Variants in WNT8B observed in about 807,000 individuals in gnomAD.
The protein encoded by WNT8B is Wnt family member 8B.
WNT8B carries 24 observed loss-of-function variants against 36.6 expected under a neutral mutation model. The observed-to-expected ratio is 0.66, with a 90% confidence interval of 0.48 to 0.92. The LOEUF (loss-of-function observed/expected upper bound fraction) is 0.92. WNT8B is among the 40% of genes least tolerant of loss of function. The pLI, the probability that WNT8B is intolerant of heterozygous loss-of-function variation, is 0.00. For missense variants in WNT8B, 402 were observed against 470.8 expected (o/e 0.85, Z 1.35); for synonymous variants, 199 against 189.8 (o/e 1.05, Z -0.40).
At chr10:100,467,220 C>A (rs1458584702) in intron 1 of WNT8B, among the ~76,000 whole-genome samples, 1 of 152,112 alleles carries the variant, frequency 6.6e-6, no homozygotes, top group Non-Finnish European at 1.5e-5. Context: ...CATTTCATTT[C>A]TCTGTATGCT....
chr10:100,465,217 C>A (rs915918763), intron 1 of WNT8B, among the ~76,000 whole-genome samples: 6 of 152,068 alleles, frequency 3.9e-5, no homozygotes, highest in Non-Finnish European at 8.8e-5. Context: ...TAAATCAGTA[C>A]AAGATGATTT....
chr10:100,480,979 G>A lies in WNT8B; in HGVS notation c.242-19G>A, dbSNP rs1851102330. ...GCTGAAACCCCTCCCTCTAACTCTG[G>A]ATTTTTGGTTCCTGCTAGCCAATCG... is the stretch of plus-strand genomic sequence containing the variant. On this transcript the variant is annotated intron_variant, in intron 3 of 5. Coordinates refer to ENST00000343737, the MANE Select transcript of WNT8B (RefSeq NM_003393.4). 6.2e-7 allele frequency: 1 copy of A among 1,612,342 alleles called. No individual in the cohort carries two copies. Among genetic ancestry groups the A allele is most frequent in the African/African-American group, 1.3e-5 (1 of 74,868 alleles).
In WNT8B at chr10:100,481,900, G is replaced by A. The variant is rs1442430891; in HGVS notation, c.368-12G>A. On this transcript the variant is annotated splice_polypyrimidine_tract_variant and intron_variant, in intron 4 of 5. Coordinates refer to ENST00000343737, the MANE Select transcript of WNT8B (RefSeq NM_003393.4). ...TTGCTCAATGACCTGTCCTCCCTCTGCACTTTTCCAGGGGGACAAGGCTGG... is the reference window on the plus strand; with the variant it reads ...TTGCTCAATGACCTGTCCTCCCTCTACACTTTTCCAGGGGGACAAGGCTGG... The A allele has an allele frequency of 6.2e-7, 1 of 1,613,704 alleles. No individual in the cohort carries two copies. The highest frequency in any genetic ancestry group is 2.2e-5 in the East Asian group (1 of 44,882).
chr10:100,470,580 G>A (rs575420237), intron 1 of WNT8B, among the ~76,000 whole-genome samples: 64 of 152,010 alleles, frequency 4.2e-4, no homozygotes, highest in African/African-American at 1.5e-3. Flanking sequence ...TTAAAGGTTG[G>A]GGAGAAGCCA....
chr10:100,481,184 C>A, intron 4 of WNT8B, 61 bp downstream of exon 4: 1 of 1,591,240 alleles, frequency 6.3e-7, no homozygotes. Flanking sequence ...GAATGAAAAG[C>A]CTGGTGGGGG....
chr10:100,481,233 A>T, intron 4 of WNT8B, 110 bp downstream of exon 4: 1 of 1,422,450 alleles, frequency 7.0e-7, no homozygotes, highest in Non-Finnish European at 9.4e-7. Flanking sequence ...GAAGAAAATC[A>T]TGCGGAAGAT....
At chr10:100,464,927 A>G (rs147472592) in intron 1 of WNT8B, among the ~76,000 whole-genome samples, 1 of 152,348 alleles carries the variant, frequency 6.6e-6, no homozygotes, top group East Asian at 1.9e-4. Flanking sequence ...TTCTAATGAA[A>G]CTATCACGGT....
Position 100,479,913 on chromosome 10 carries a change from C to T in WNT8B, c.142C>T (p.Gln48Ter). Residue 48 changes from glutamine (Q) to a stop codon, truncating the protein, a stop_gained, in exon 3 of 6, where the codon CAG (glutamine) becomes TAG (stop). Coordinates refer to ENST00000343737, the MANE Select transcript of WNT8B (RefSeq NM_003393.4). LOFTEE classifies it high-confidence loss of function. ...IYSSSVAAGA[Q>*]SGIEECKYQF... ...CTCCAGCAGTGTGGCAGCTGGTGCC[C>T]AGAGTGGTATTGAAGAATGCAAGTA... 6.2e-7 allele frequency: 1 copy of T among 1,614,040 alleles called. No individual in the cohort carries two copies. Among genetic ancestry groups the T allele is most frequent in the Non-Finnish European group, 8.5e-7 (1 of 1,179,958 alleles).
intron 1 of WNT8B, among the ~76,000 whole-genome samples, chr10:100,470,566 G>A (rs1756389009): frequency 6.6e-6 from 1 of 151,818 alleles, no homozygotes. Flanking sequence ...ATTAAGAGAT[G>A]GGATTAAAGG....
intron 1 of WNT8B, among the ~76,000 whole-genome samples, chr10:100,469,728 C>G (rs576558430): frequency 1.3e-5 from 2 of 152,322 alleles, no homozygotes; most frequent in Non-Finnish European, 2.9e-5. Flanking sequence ...TGTGAACATA[C>G]CTTTGTGTCT....
At chr10:100,476,569 C>T (rs917644276) in intron 1 of WNT8B, among the ~76,000 whole-genome samples, 6 of 141,158 alleles carry the variant, frequency 4.3e-5, no homozygotes, top group African/African-American at 1.7e-4. Context: ...TCTTATTGGC[C>T]TTCAGAATTG....
chr10:100,468,742 T>G (rs905257399), intron 1 of WNT8B, among the ~76,000 whole-genome samples: 1 of 152,210 alleles, frequency 6.6e-6, no homozygotes, highest in Admixed American at 6.5e-5. Context: ...AAAAAGATGA[T>G]CCCCCGAACA....
At chr10:100,467,702 C>T (rs1037430289) in intron 1 of WNT8B, among the ~76,000 whole-genome samples, 1 of 152,026 alleles carries the variant, frequency 6.6e-6, no homozygotes, top group Non-Finnish European at 1.5e-5. Context: ...CTGGTGGAGC[C>T]CAGATTCCAT....
intron 1 of WNT8B, among the ~76,000 whole-genome samples, chr10:100,472,304 G>C (rs1324535169): frequency 6.6e-6 from 1 of 151,508 alleles, no homozygotes; most frequent in Non-Finnish European, 1.5e-5. Context: ...TAGCGACGGG[G>C]TTTCACCGTG....
In WNT8B at chr10:100,482,447, C is replaced by T. The variant is rs759151206; in HGVS notation, c.687C>T (p.Ala229=). The change falls in exon 6 of 6, where the codon GCC becomes GCT. Residue 229 remains alanine (A), a synonymous_variant. Coordinates refer to ENST00000343737, the MANE Select transcript of WNT8B (RefSeq NM_003393.4). This position sits in a 1 kb window ranked among gnomAD's most constrained non-coding sequence, Gnocchi z 6.6. ...DLLQGAGNSA[A]GRGAIADTFR... is the part of the protein sequence containing the mutation. ...TGCAGGGTGCTGGCAACAGCGCGGCCGGCCGCGGCGCCATCGCCGACACCT... is the reference window on the plus strand; with the variant it reads ...TGCAGGGTGCTGGCAACAGCGCGGCTGGCCGCGGCGCCATCGCCGACACCT... The T allele has an allele frequency of 6.2e-7, 1 of 1,605,222 alleles. No homozygotes were observed. The highest frequency in any genetic ancestry group is 8.5e-7 in the Non-Finnish European group (1 of 1,179,846).
In WNT8B at chr10:100,481,011, A is replaced by C. The variant is rs142892449; in HGVS notation, c.255A>C (p.Thr85=). The C allele has an allele frequency of 6.2e-7, 1 of 1,614,028 alleles. No individual in the cohort carries two copies. Among genetic ancestry groups the C allele is most frequent in the Non-Finnish European group, 8.5e-7 (1 of 1,179,940 alleles). The change falls in exon 4 of 6, where the codon ACA becomes ACC. Residue 85 remains threonine (T), a synonymous_variant. Transcript: ENST00000343737. ...GGTTCCTGCTAGCCAATCGGGAGAC[A>C]GCATTTGTGCATGCCATCAGTTCTG... ...HGGLRSANRE[T]AFVHAISSAG... is the part of the protein sequence containing the mutation.
intron 1 of WNT8B, among the ~76,000 whole-genome samples, chr10:100,476,707 A>C (rs1851042022): frequency 6.6e-6 from 1 of 152,232 alleles, no homozygotes; most frequent in Admixed American, 6.5e-5. Flanking sequence ...TCATTCTCCA[A>C]GTCTTTAGCC....
At chr10:100,478,938 T>TC in intron 1 of WNT8B, 114 bp from the exon 2 acceptor site, 1 of 894,228 alleles carries the variant, frequency 1.1e-6, no homozygotes, top group South Asian at 1.8e-5. Flanking sequence ...AAAACTAGTT[T>TC]CCCTTTCTTC....
At chr10:100,466,572 G>T (rs1850909257) in intron 1 of WNT8B, among the ~76,000 whole-genome samples, 1 of 152,104 alleles carries the variant, frequency 6.6e-6, no homozygotes, top group South Asian at 2.1e-4. Flanking sequence ...ACCAGTTTGT[G>T]TGAGTGACAA....
Sources: gnomAD v4.1 joint callset for allele counts (sites outside exome capture counted in the v4.1 genomes callset) on GRCh38, gnomAD v4.1.1 for gene constraint, Gnocchi (gnomAD v3.1) non-coding constraint, MANE v1.5 for transcripts, NCBI Gene and HGNC (gene_info 2026-07-23, HGNC 2026-07-21) for gene names.